Variants in RAB7A observed in about 807,000 individuals in gnomAD.
RAB7A encodes RAB7A, member RAS oncogene family, also known as ras-related protein Rab-7a.
In RAB7A, 2 loss-of-function variants were observed where a neutral mutation model predicts 24.5. The observed-to-expected ratio is 0.08, with a 90% CI of 0.03 to 0.26. The LOEUF (loss-of-function observed/expected upper bound fraction) is 0.26, where lower values mean the gene tolerates loss of function less well. Ranked by LOEUF, RAB7A falls within the 10% of genes least tolerant of loss-of-function variation. The pLI, the probability that RAB7A is intolerant of heterozygous loss-of-function variation, is 1.00. For missense variants in RAB7A, 118 were observed against 255.7 expected, an observed-to-expected ratio of 0.46 and a Z score of 3.67; for synonymous variants, 100 against 95.9, an observed-to-expected ratio of 1.04 and a Z score of -0.25.
At chr3:128,757,183 C>A (rs2070737047) in intron 1 of RAB7A, among the ~76,000 whole-genome samples, 1 of 152,114 alleles carries the variant, frequency 6.6e-6, no homozygotes, top group Non-Finnish European at 1.5e-5. Flanking sequence ...CCACCTATTT[C>A]CAGAACCTTT....
chr3:128,783,458 G>C (rs184759407), intron 1 of RAB7A, among the ~76,000 whole-genome samples: 1 of 152,070 alleles, frequency 6.6e-6, no homozygotes, highest in Admixed American at 6.5e-5. Flanking sequence ...ACATTAGGGG[G>C]TGAGGTGGGA....
At chr3:128,743,202 G>A (rs1019411500) in intron 1 of RAB7A, among the ~76,000 whole-genome samples, 11 of 152,230 alleles carry the variant, frequency 7.2e-5, no homozygotes, top group Admixed American at 1.3e-4. Context: ...GGTGGCGCCA[G>A]CCGGCCACTC....
chr3:128,804,671 C>T (rs1933765046), intron 3 of RAB7A, among the ~76,000 whole-genome samples: 1 of 152,134 alleles, frequency 6.6e-6, no homozygotes, highest in South Asian at 2.1e-4. Flanking sequence ...TATTACTTTG[C>T]CTTCTCTGTG....
intron 1 of RAB7A, among the ~76,000 whole-genome samples, chr3:128,794,980 A>G (rs1933535407): frequency 6.6e-6 from 1 of 152,122 alleles, no homozygotes; most frequent in East Asian, 1.9e-4. Context: ...GCTGCTTTAA[A>G]TAAAGCGGTC....
chr3:128,765,373 C>T (rs1287590931), intron 1 of RAB7A, among the ~76,000 whole-genome samples: 1 of 152,174 alleles, frequency 6.6e-6, no homozygotes, highest in African/African-American at 2.4e-5. Context: ...CATACTCTTA[C>T]TAAATCAGCT....
rs56027163 is a variant in RAB7A at position 128,737,825 on chromosome 3, GTTTTTTTTTTTT to G, written c.-9+11487_-9+11498del. 1.7e-3 allele frequency among the ~76,000 whole-genome samples: 102 copies of G among 59,488 alleles called. 1 individual carries two copies. Among genetic ancestry groups the G allele is most frequent in the South Asian group, 0.013 (11 of 864 alleles). The allele number at this position is 59,488 out of a possible 152,430, so 39.0% of individuals were successfully genotyped here. The stretch of plus-strand genomic sequence containing the variant: ...CACCACATCTGGCTATTTTTTTGTA[GTTTTTTTTTTTT>G]TTTTTTTTTTTTTTTTTTTTAAGAG... On this transcript the variant is annotated intron_variant, in intron 1 of 5. Transcript: ENST00000265062.
At chr3:128,740,874 C>CTAGG (rs1311152164) in intron 1 of RAB7A, among the ~76,000 whole-genome samples, 1 of 140,072 alleles carries the variant, frequency 7.1e-6, no homozygotes, top group East Asian at 2.1e-4. Context: ...GTACTCCAGC[C>CTAGG]TAGGTGACAG....
intron 2 of RAB7A, among the ~76,000 whole-genome samples, chr3:128,795,864 G>C (rs931241908): frequency 2.4e-4 from 35 of 148,690 alleles, no homozygotes; most frequent in African/African-American, 8.7e-4. Flanking sequence ...CCATTCTCCT[G>C]CCTCAGCCTC....
chr3:128,810,502 A>G (rs1048394633), intron 5 of RAB7A, among the ~76,000 whole-genome samples: 1 of 152,168 alleles, frequency 6.6e-6, no homozygotes, highest in South Asian at 2.1e-4. Context: ...TCCATGAGCA[A>G]GGTGCTGGCA....
At chr3:128,752,972 C>T (rs915140473) in intron 1 of RAB7A, among the ~76,000 whole-genome samples, 4 of 152,162 alleles carry the variant, frequency 2.6e-5, no homozygotes, top group Admixed American at 1.3e-4. Context: ...AATTAACTGA[C>T]ATCATGATAC....
intron 1 of RAB7A, among the ~76,000 whole-genome samples, chr3:128,758,565 T>C (rs1337860718): frequency 6.6e-6 from 1 of 152,160 alleles, no homozygotes; most frequent in Non-Finnish European, 1.5e-5. Context: ...CGTGAGCCAC[T>C]GGCCCAGCCT....
At chr3:128,767,831 A>G (rs1199037630) in intron 1 of RAB7A, among the ~76,000 whole-genome samples, 2 of 152,202 alleles carry the variant, frequency 1.3e-5, no homozygotes, top group African/African-American at 4.8e-5. Context: ...CCTCAGATAG[A>G]TATCTGCAGC....
At chr3:128,762,966 T>C (rs946688016) in intron 1 of RAB7A, among the ~76,000 whole-genome samples, 4 of 152,072 alleles carry the variant, frequency 2.6e-5, no homozygotes, top group African/African-American at 7.2e-5. Context: ...CTCATGATAC[T>C]TCACCTGTAA....
At chr3:128,807,794 CTA>C in intron 5 of RAB7A, 123 bp downstream of exon 5, 1 of 1,389,040 alleles carries the variant, frequency 7.2e-7, no homozygotes, top group South Asian at 1.2e-5. Flanking sequence ...CCAGAATACC[CTA>C]TGTGTTCATC....
intron 1 of RAB7A, among the ~76,000 whole-genome samples, chr3:128,765,449 C>G (rs113690348): frequency 2.0e-5 from 3 of 152,294 alleles, no homozygotes; most frequent in African/African-American, 7.2e-5. Context: ...GAAGAAATCC[C>G]TTACATCTTC....
intron 3 of RAB7A, among the ~76,000 whole-genome samples, chr3:128,800,332 T>A (rs538435913): frequency 3.9e-5 from 6 of 152,346 alleles, no homozygotes; most frequent in African/African-American, 1.2e-4. Flanking sequence ...GACTGCCTTT[T>A]GCTGAGGGAA....
rs2107604123 is a variant in RAB7A at position 128,778,646 on chromosome 3, G to A, written c.-8-16714G>A. ...AGTTTATAAAATGCTCAGTCATCCT[G>A]TTTTTCTTCATATGTGACATTCTTA... On this transcript the variant is annotated intron_variant, in intron 1 of 5. Coordinates refer to ENST00000265062, the MANE Select transcript of RAB7A (RefSeq NM_004637.6). Among the ~76,000 whole-genome samples the A allele has an allele frequency of 2.6e-5, 4 of 152,280 alleles. No individual in the cohort carries two copies. In the Middle Eastern group the frequency reaches 0.014, roughly 518 times the overall value.
rs148041443 is a variant in RAB7A at position 128,760,345 on chromosome 3, A to G, written c.-9+33986A>G. ...TGCAGGTCATGGGACTTCTCAGCCT[A>G]CATAATCCTGTGAGCCAATTCCTTG... is the stretch of plus-strand genomic sequence containing the variant. On this transcript the variant is annotated intron_variant, in intron 1 of 5. Transcript: ENST00000265062. 7.2e-5 allele frequency among the ~76,000 whole-genome samples: 11 copies of G among 152,292 alleles called. No homozygotes were observed. In the East Asian group the frequency reaches 1.9e-3, roughly 27 times the overall value.
intron 1 of RAB7A, among the ~76,000 whole-genome samples, chr3:128,730,784 T>G (rs2070428923): frequency 6.6e-6 from 1 of 152,202 alleles, no homozygotes; most frequent in Admixed American, 6.5e-5. Context: ...GTTCATTTGC[T>G]TGAAGATGCA....
Sources: allele counts gnomAD v4.1 joint callset (sites outside exome capture counted in the v4.1 genomes callset), GRCh38; gene constraint gnomAD v4.1.1; transcripts MANE v1.5; gene names NCBI Gene and HGNC (gene_info 2026-07-23, HGNC 2026-07-21).